The following GOSR2 variants were observed in gnomAD, a reference collection of about 807,000 sequenced individuals.
GOSR2 encodes 27 kDa Golgi SNARE protein.
In GOSR2, 20 loss-of-function variants were observed where a neutral mutation model predicts 27.9. The ratio of observed to expected loss-of-function variants is 0.72; its 90% CI spans 0.50 to 1.04. The LOEUF (loss-of-function observed/expected upper bound fraction) is 1.04, where lower values mean the gene tolerates loss of function less well. GOSR2 is among the 50% of genes least tolerant of loss of function. The pLI is 0.00. For missense variants in GOSR2, 261 were observed against 270.5 expected (o/e 0.97, Z 0.25); for synonymous variants, 91 against 98.8 (o/e 0.92, Z 0.47).
chr17:46,935,261 C>T (rs1156716276), intron 5 of GOSR2, 92 bp downstream of exon 5: 8 of 1,603,580 alleles, frequency 5.0e-6, no homozygotes, highest in Non-Finnish European at 6.8e-6. Flanking sequence ...ATTACGTGTC[C>T]TCAAATTGTG....
intron 1 of GOSR2, among the ~76,000 whole-genome samples, chr17:46,926,898 G>A (rs1234075774): frequency 6.6e-6 from 1 of 152,180 alleles, no homozygotes; most frequent in East Asian, 1.9e-4. Flanking sequence ...CTCAGGGTAT[G>A]CCAGAACCTC....
chr17:46,961,137 G>A (rs1458026157), intron 6 of GOSR2, among the ~76,000 whole-genome samples: 4 of 152,092 alleles, frequency 2.6e-5, no homozygotes, highest in Non-Finnish European at 5.9e-5. Context: ...GAGGATAAAG[G>A]TAAAGATATT....
At position 46,939,233 on chromosome 17, in the gene GOSR2, G is replaced by A; in HGVS notation, c.*473G>A. The A allele has an allele frequency of 9.5e-7, 1 of 1,047,650 alleles. No homozygotes were observed. The highest frequency in any genetic ancestry group is 1.2e-6 in the Non-Finnish European group (1 of 865,110). 64.9% of individuals were successfully genotyped at this position (1,047,650 alleles called of 1,614,324 possible). A position where few individuals can be genotyped will look rare whatever the true frequency, so the allele number is the denominator to read the frequency against. Reference sequence around the variant, plus strand: ...CAGCCATTATATTAAATAGTAGGTCGATTCACATCCTCGTGCTCCTGGCCA... The same window carrying A: ...CAGCCATTATATTAAATAGTAGGTCAATTCACATCCTCGTGCTCCTGGCCA... On this transcript the variant is annotated 3_prime_UTR_variant, in exon 6 of 6. Transcript: ENST00000640051.
chr17:46,954,290 G>A (rs1568206893), intron 6 of GOSR2, among the ~76,000 whole-genome samples: 1 of 152,168 alleles, frequency 6.6e-6, no homozygotes, highest in Non-Finnish European at 1.5e-5. Flanking sequence ...TATTAAATAG[G>A]GAATCCTTTT....
At chr17:46,956,827 C>T (rs1473783280) in intron 6 of GOSR2, among the ~76,000 whole-genome samples, 1 of 152,232 alleles carries the variant, frequency 6.6e-6, no homozygotes, top group African/African-American at 2.4e-5. Flanking sequence ...AGTCCCCTCA[C>T]TCCCGCCCCA....
intron 6 of GOSR2, among the ~76,000 whole-genome samples, chr17:46,956,277 CTTTTTTTTTT>C (rs869045527): frequency 3.2e-4 from 20 of 62,658 alleles, no homozygotes; most frequent in African/African-American, 1.2e-3. Context: ...CTTGCCAGTC[CTTTTTTTTTT>C]TTTTTTTTTT....
intron 6 of GOSR2, among the ~76,000 whole-genome samples, chr17:46,965,194 T>C (rs1482624935): frequency 6.6e-6 from 1 of 152,262 alleles, no homozygotes; most frequent in Non-Finnish European, 1.5e-5. Flanking sequence ...AGTGGAAGGA[T>C]GTCTCTGGGG....
intron 6 of GOSR2, among the ~76,000 whole-genome samples, chr17:46,960,174 G>A (rs1465016143): frequency 6.6e-6 from 1 of 152,074 alleles, no homozygotes; most frequent in Non-Finnish European, 1.5e-5. Flanking sequence ...AAGAAAACAA[G>A]CAACCCAACT....
At chr17:46,928,622 T>C (rs2086842639) in intron 1 of GOSR2, among the ~76,000 whole-genome samples, 1 of 152,102 alleles carries the variant, frequency 6.6e-6, no homozygotes, top group Admixed American at 6.5e-5. Flanking sequence ...CCAAATGAGA[T>C]GGCAGTTCCT....
chr17:46,975,889 G>A (rs2091442087), downstream of GOSR2, among the ~76,000 whole-genome samples: 1 of 87,240 alleles, frequency 1.1e-5, no homozygotes, highest in Admixed American at 1.2e-4. Flanking sequence ...AAAGAAGAAA[G>A]ATAAAGGAAG....
intron 6 of GOSR2, among the ~76,000 whole-genome samples, chr17:46,960,193 G>A (rs998159953): frequency 1.3e-5 from 2 of 152,118 alleles, no homozygotes; most frequent in African/African-American, 4.8e-5. Flanking sequence ...CTTTTAAAAA[G>A]CAAAAGACAC....
At chr17:46,950,219 TC>T (rs1022653514) in intron 6 of GOSR2, among the ~76,000 whole-genome samples, 3 of 152,220 alleles carry the variant, frequency 2.0e-5, no homozygotes, top group African/African-American at 7.2e-5. Flanking sequence ...CACTTCTCGT[TC>T]CTATCCCTCA....
downstream of GOSR2, among the ~76,000 whole-genome samples, chr17:46,969,135 C>G (rs560105356): frequency 5.3e-5 from 8 of 152,206 alleles, no homozygotes; most frequent in Admixed American, 3.3e-4. Flanking sequence ...GCTCTGGCTC[C>G]CCTCCACTCT....
intron 6 of GOSR2, among the ~76,000 whole-genome samples, chr17:46,958,810 CAT>C (rs1398102709): frequency 6.6e-6 from 1 of 152,246 alleles, no homozygotes; most frequent in Non-Finnish European, 1.5e-5. Flanking sequence ...AAAGCTGACA[CAT>C]GACATAGGTT....
intron 1 of GOSR2, 85 bp downstream of exon 1, chr17:46,923,306 A>G (rs989917587): frequency 6.5e-7 from 1 of 1,546,632 alleles, no homozygotes; most frequent in South Asian, 1.2e-5. Context: ...CTCGGACGTC[A>G]GCCAGGGTAG....
chr17:46,975,175 T>TC (rs2091436672), intron 6 of GOSR2: 1 of 151,980 alleles, frequency 6.6e-6, no homozygotes, highest in African/African-American at 2.4e-5. Context: ...AAGCTATGGG[T>TC]CCCCTATCGC....
downstream of GOSR2, among the ~76,000 whole-genome samples, chr17:46,943,688 C>G (rs1269167332): frequency 2.6e-5 from 4 of 152,240 alleles, no homozygotes; most frequent in African/African-American, 9.6e-5. Flanking sequence ...GCCAGCAAAG[C>G]TGTTGCAGCC....
At chr17:46,949,308 G>C (rs920594378) in intron 6 of GOSR2, 6 of 152,416 alleles carry the variant, frequency 3.9e-5, no homozygotes, top group African/African-American at 1.4e-4. Flanking sequence ...TTCTCCATGG[G>C]ACCAGGGCTT....
chr17:46,966,858 G>T (rs2091337910), exon 7 of GOSR2: 1 of 409,362 alleles, frequency 2.4e-6, no homozygotes, highest in Non-Finnish European at 4.3e-6. Context: ...CATGTGAAGA[G>T]CCCTCTCTAA....
Sources: allele counts gnomAD v4.1 joint callset (sites outside exome capture counted in the v4.1 genomes callset), GRCh38; gene constraint gnomAD v4.1.1; transcripts MANE v1.5; gene names NCBI Gene and HGNC (gene_info 2026-07-23, HGNC 2026-07-21).